Variants in HAUS7 observed in about 807,000 individuals in gnomAD.
HAUS7 encodes the protein HAUS augmin like complex subunit 7, also known as HAUS augmin-like complex subunit 7.
In HAUS7, 3 loss-of-function variants were observed where a neutral mutation model predicts 28.4. The ratio of observed to expected loss-of-function variants is 0.11; its 90% confidence interval spans 0.05 to 0.27. The LOEUF (loss-of-function observed/expected upper bound fraction) is 0.27. Among genes scored for constraint, HAUS7 ranks in the 10% least tolerant of loss-of-function variants. The pLI, the probability that HAUS7 is intolerant of heterozygous loss-of-function variation, is 1.00. For missense variants in HAUS7, 284 were observed against 297.3 expected (o/e 0.96, Z 0.33); for synonymous variants, 165 against 132.1 (o/e 1.25, Z -1.71).
chrX:153,474,646 C>A (rs1223008402), upstream of HAUS7, among the ~76,000 whole-genome samples: 3 of 103,548 alleles, frequency 2.9e-5, no homozygotes, highest in Non-Finnish European at 3.9e-5. Flanking sequence ...CCCTGGGGAC[C>A]TTTGGGTTTC....
chrX:153,464,026 T>A (rs1556983890), intron 3 of HAUS7, among the ~76,000 whole-genome samples: 1 of 112,788 alleles, frequency 8.9e-6, no homozygotes, highest in African/African-American at 3.2e-5. Context: ...GCGCCTCGCA[T>A]GTGGTGGCTG....
upstream of HAUS7, chrX:153,470,757 A>G (rs1325185681): frequency 1.1e-5 from 6 of 529,875 alleles, no homozygotes; most frequent in Non-Finnish European, 1.8e-5. Flanking sequence ...AGGCAGGACC[A>G]CAGTGAAGCG....
chrX:153,466,915 C>T (rs1383270276), intron 2 of HAUS7, among the ~76,000 whole-genome samples: 1 of 112,205 alleles, frequency 8.9e-6, no homozygotes, highest in Non-Finnish European at 1.9e-5. Flanking sequence ...GCATATATTC[C>T]AAAATCCGAA....
intron 9 of HAUS7, among the ~76,000 whole-genome samples, chrX:153,451,181 G>T (rs1192490546): frequency 3.6e-5 from 4 of 112,219 alleles, no homozygotes; most frequent in Non-Finnish European, 7.5e-5. Context: ...TGCCTTTCTG[G>T]TAAGAACAGA....
chrX:153,474,087 G>A (rs889813500), upstream of HAUS7, among the ~76,000 whole-genome samples: 3 of 112,584 alleles, frequency 2.7e-5, no homozygotes, highest in Non-Finnish European at 5.6e-5. Context: ...GAGCCCTGCG[G>A]CCTGTGGCCC....
chrX:153,447,758 A>G lies in HAUS7; in HGVS notation c.*120T>C, dbSNP rs782353031. 3.2e-6 allele frequency: 2 copies of G among 626,074 alleles called. No individual in the cohort carries two copies. Among genetic ancestry groups the G allele is most frequent in the East Asian group, 3.2e-5 (1 of 31,131 alleles). The allele number at this position is 626,074 out of a possible 1,213,427, so 51.6% of individuals were successfully genotyped here. ...GCCAAAGGTCCCTGCCTAGAGCACA[A>G]CGTGGGGCTGCAACGGCTTCTGCTG... On this transcript the variant is annotated 3_prime_UTR_variant, in exon 10 of 10. Coordinates refer to ENST00000370211, the MANE Select transcript of HAUS7 (RefSeq NM_001385482.1).
intron 1 of HAUS7, among the ~76,000 whole-genome samples, chrX:153,479,865 C>G (rs139302209): frequency 9.0e-6 from 1 of 111,211 alleles, no homozygotes; most frequent in African/African-American, 3.3e-5. Flanking sequence ...GCGGTGCCCC[C>G]CATGGTTGGC....
chrX:153,488,331 G>A (rs931582786), intron 1 of HAUS7, among the ~76,000 whole-genome samples: 6 of 113,221 alleles, frequency 5.3e-5, no homozygotes, highest in Middle Eastern at 4.6e-3. Flanking sequence ...GCTGCTGGAT[G>A]TGGGTGGAGC....
intron 1 of HAUS7, 81 bp downstream of exon 1, chrX:153,470,369 T>C: frequency 1.9e-6 from 2 of 1,033,409 alleles, no homozygotes; most frequent in Non-Finnish European, 2.6e-6. Context: ...CGCCGCGGAC[T>C]TCCGCAGCAA....
intron 9 of HAUS7, among the ~76,000 whole-genome samples, chrX:153,451,783 T>C (rs993732767): frequency 1.8e-5 from 2 of 111,914 alleles, no homozygotes; most frequent in African/African-American, 6.5e-5. Flanking sequence ...CCTGGGAATC[T>C]GGAAGACCAT....
At chrX:153,459,591 C>T (rs5945389) in intron 4 of HAUS7, among the ~76,000 whole-genome samples, 2,330 of 111,912 alleles carry the variant, frequency 0.021, 33 homozygotes, top group Non-Finnish European at 0.031. Context: ...CTGAGTCCCT[C>T]GGACGTGACC....
chrX:153,473,050 G>C (rs1342085602), upstream of HAUS7, among the ~76,000 whole-genome samples: 4 of 112,151 alleles, frequency 3.6e-5, no homozygotes, highest in Non-Finnish European at 7.5e-5. Flanking sequence ...GCGGGTGCTG[G>C]TGGCATTCGA....
At chrX:153,472,246 G>A (rs1602946231), upstream of HAUS7, among the ~76,000 whole-genome samples, 1 of 112,110 alleles carries the variant, frequency 8.9e-6, no homozygotes, top group Admixed American at 9.4e-5. Flanking sequence ...CCCAACCTCA[G>A]CAGTTCAGTC....
chrX:153,455,753 T>C lies in HAUS7; in HGVS notation c.719A>G (p.His240Arg). 4.2e-6 allele frequency: 5 copies of C among 1,187,732 alleles called. No homozygotes were observed. Among genetic ancestry groups the C allele is most frequent in the African/African-American group, 1.7e-5 (1 of 57,426 alleles). Residue 240 changes from histidine to arginine, a missense_variant, in exon 8 of 10, where the codon CAT becomes CGT. His to Arg is a conservative substitution (Grantham distance 29, BLOSUM62 0). Transcript: ENST00000370211. ...TGCGCCCGCAGCAGCCCCTTGCTCA[T>C]GCTGTGCAAAGTACTGCAAAGCCAG... ...HALRTEYFAQ[H>R]EQGAAAGAAD... is the part of the protein sequence containing the mutation.
intron 9 of HAUS7, among the ~76,000 whole-genome samples, chrX:153,451,056 A>G (rs2089233429): frequency 2.7e-5 from 3 of 112,426 alleles, no homozygotes; most frequent in Non-Finnish European, 5.6e-5. Context: ...TGCCCGCCGT[A>G]GGCCTGCTCC....
intron 1 of HAUS7, among the ~76,000 whole-genome samples, chrX:153,476,269 C>A (rs1314437048): frequency 8.9e-6 from 1 of 112,483 alleles, no homozygotes; most frequent in Non-Finnish European, 1.9e-5. Flanking sequence ...TGGCTTTTTG[C>A]ATGGCCATGG....
At chrX:153,461,275 C>T (rs1293908096) in intron 4 of HAUS7, among the ~76,000 whole-genome samples, 36 of 111,918 alleles carry the variant, frequency 3.2e-4, no homozygotes, top group Non-Finnish European at 1.1e-4. Context: ...CGGAGAACCA[C>T]GGACTCTCAA....
chrX:153,466,100 G>C (rs1480312246), intron 2 of HAUS7, among the ~76,000 whole-genome samples: 1 of 112,705 alleles, frequency 8.9e-6, no homozygotes, highest in African/African-American at 3.2e-5. Context: ...GATCGGGCTG[G>C]GCTTGGCTGC....
chrX:153,463,556 G>A (rs1366747887), intron 3 of HAUS7, among the ~76,000 whole-genome samples: 1 of 112,546 alleles, frequency 8.9e-6, no homozygotes, highest in African/African-American at 3.2e-5. Context: ...CGGGCACCCT[G>A]TTCCCAGCAC....
Sources: allele counts gnomAD v4.1 joint callset (sites outside exome capture counted in the v4.1 genomes callset), GRCh38; gene constraint gnomAD v4.1.1; transcripts MANE v1.5; gene names NCBI Gene and HGNC (gene_info 2026-07-23, HGNC 2026-07-21).